MTBP: variants seen among roughly 807,000 people sequenced by gnomAD.
MTBP encodes the protein mdm2-binding protein.
In MTBP, 101 loss-of-function variants were observed where a neutral mutation model predicts 117.0. The observed-to-expected ratio is 0.86, with a 90% CI of 0.73 to 1.02. MTBP has a LOEUF of 1.02. MTBP is among the 50% of genes least tolerant of loss of function. The pLI is 0.00. For synonymous variants in MTBP, 350 were observed against 351.5 expected, an observed-to-expected ratio of 1.00 and a Z score of 0.05; for missense variants, 970 against 1,030.9, an observed-to-expected ratio of 0.94 and a Z score of 0.81.
intron 17 of MTBP, among the ~76,000 whole-genome samples, chr8:120,513,408 C>T (rs1814853691): frequency 6.6e-6 from 1 of 152,004 alleles, no homozygotes; most frequent in Non-Finnish European, 1.5e-5. Flanking sequence ...TGTGGTCATT[C>T]ATCCAACAAT....
At position 120,488,259 on chromosome 8, in the gene MTBP, C is replaced by T; in HGVS notation, c.1266C>T (p.Asn422=). Reference sequence around the variant, plus strand: ...AAGCCACATTGATTCACTCAGCCAACCAGATCAATGGCTCATTTGCACTCA... The same window carrying T: ...AAGCCACATTGATTCACTCAGCCAATCAGATCAATGGCTCATTTGCACTCA... ...RCKATLIHSA[N]QINGSFALNL... is the part of the protein sequence containing the mutation. The change falls in exon 12 of 22, where the codon AAC becomes AAT. Residue 422 remains asparagine (N), a synonymous_variant. Coordinates refer to ENST00000305949, the MANE Select transcript of MTBP (RefSeq NM_022045.5). 2 of 1,588,304 alleles carry T rather than the reference C, an allele frequency of 1.3e-6. No homozygotes were observed. Among genetic ancestry groups the T allele is most frequent in the Non-Finnish European group, 1.7e-6 (2 of 1,170,666 alleles).
At chr8:120,492,479 A>G (rs1313966164) in intron 13 of MTBP, among the ~76,000 whole-genome samples, 1 of 152,222 alleles carries the variant, frequency 6.6e-6, no homozygotes, top group East Asian at 1.9e-4. Flanking sequence ...AAAAGTAAAG[A>G]ATATAATGGG....
intron 12 of MTBP, among the ~76,000 whole-genome samples, chr8:120,489,344 A>G (rs1305858139): frequency 6.6e-6 from 1 of 152,084 alleles, no homozygotes; most frequent in African/African-American, 2.4e-5. Flanking sequence ...GCCTAGGCTG[A>G]CTTCTTATAT....
At chr8:120,451,723 G>A (rs1353233409) in intron 4 of MTBP, 1 of 161,878 alleles carries the variant, frequency 6.2e-6, no homozygotes, top group East Asian at 1.8e-4. Flanking sequence ...GGAACTACAG[G>A]TGTGCACCAC....
chr8:120,506,770 A>C lies in MTBP; in HGVS notation c.1792A>C (p.Ile598Leu). 1 of 1,613,652 alleles carries C rather than the reference A, an allele frequency of 6.2e-7. No homozygotes were observed. Among genetic ancestry groups the C allele is most frequent in the South Asian group, 1.1e-5 (1 of 91,030 alleles). ...LGHKEGPRDS[I>L]TLLDAKELLK... ...CCACAAAGAGGGTCCTCGGGACTCA[A>C]TCACATTGTTGGATGCTAAAGAATT... Residue 598 changes from isoleucine (I) to leucine (L), a missense_variant, in exon 16 of 22, where the codon ATC (isoleucine) becomes CTC (leucine). By Grantham distance (5) the Ile-to-Leu change is conservative. Coordinates refer to ENST00000305949, the MANE Select transcript of MTBP (RefSeq NM_022045.5).
At chr8:120,446,601 A>T in intron 2 of MTBP, 88 bp downstream of exon 2, 1 of 831,896 alleles carries the variant, frequency 1.2e-6, no homozygotes, top group Non-Finnish European at 2.1e-6. Flanking sequence ...AGTACAAGGA[A>T]ATACTTCTTG....
intron 2 of MTBP, among the ~76,000 whole-genome samples, chr8:120,447,051 A>G (rs1466349279): frequency 1.3e-5 from 2 of 152,174 alleles, no homozygotes; most frequent in Non-Finnish European, 2.9e-5. Flanking sequence ...TTCTACTGGC[A>G]TTATACAAAT....
chr8:120,469,682 A>G (rs1813777592), intron 10 of MTBP, among the ~76,000 whole-genome samples: 2 of 152,212 alleles, frequency 1.3e-5, no homozygotes, highest in Non-Finnish European at 2.9e-5. Context: ...CATCATTTCC[A>G]TAGTCTAAAA....
rs1209392393 is a variant in MTBP, at chr8:120,453,850, C to T, written c.429C>T (p.Leu143=). The T allele has an allele frequency of 6.4e-7, 1 of 1,566,696 alleles. No homozygotes were observed. Among genetic ancestry groups the T allele is most frequent in the Non-Finnish European group, 8.7e-7 (1 of 1,147,830 alleles). The stretch of plus-strand genomic sequence containing the variant: ...CTAACTTACCCTTTTATTTTAGTCT[C>T]TATGAAGAAGCTGCAGAAAATTTGC... ...NSRESLSLAD[L]YEEAAENLHQ... Residue 143 remains leucine, a synonymous_variant, in exon 5 of 22, where the codon CTC becomes CTT. Transcript: ENST00000305949.
At position 120,483,421 on chromosome 8, in the gene MTBP, G is replaced by A. The variant is rs185929801; in HGVS notation, c.1166-4738G>A. On this transcript the variant is annotated intron_variant, in intron 11 of 21. Transcript: ENST00000305949. ...CATATATAATAACTATCAGTAAGTC[G>A]GAATATTCACTTACCCAGAATATCC... is the stretch of plus-strand genomic sequence containing the variant. Among the ~76,000 whole-genome samples, 13 of 151,852 alleles carry A rather than the reference G, an allele frequency of 8.6e-5. No homozygotes were observed. The East Asian group carries it at 1.5e-3, about 18-fold the overall frequency.
intron 11 of MTBP, among the ~76,000 whole-genome samples, chr8:120,486,855 C>A (rs184508066): frequency 3.3e-4 from 51 of 152,332 alleles, no homozygotes; most frequent in African/African-American, 1.1e-3. Flanking sequence ...CAACGTGCTT[C>A]TTCCCAATCC....
In MTBP at chr8:120,506,692, C is replaced by T. The variant is rs543313486; in HGVS notation, c.1728-14C>T. ...ATCCACTTTTAATAAATCTGCATAACATTATTTTCCCAGAACTGGTTCATT... is the reference window on the plus strand; with the variant it reads ...ATCCACTTTTAATAAATCTGCATAATATTATTTTCCCAGAACTGGTTCATT... On this transcript the variant is annotated splice_polypyrimidine_tract_variant and intron_variant, in intron 15 of 21. Transcript: ENST00000305949. 1.8e-5 allele frequency: 28 copies of T among 1,555,528 alleles called. 1 individual carries two copies. In the South Asian group the frequency reaches 3.2e-4, roughly 18 times the overall value.
In MTBP at chr8:120,490,547, T is replaced by G. The variant is rs1484414579; in HGVS notation, c.1424T>G (p.Val475Gly). The G allele has an allele frequency of 6.2e-7, 1 of 1,603,878 alleles. No individual in the cohort carries two copies. The highest frequency in any genetic ancestry group is 8.5e-7 in the Non-Finnish European group (1 of 1,176,112). Residue 475 changes from valine to glycine, a missense_variant, in exon 13 of 22, where the codon GTT becomes GGT. Physicochemically the swap from Val to Gly is moderately radical, Grantham distance 109. Coordinates refer to ENST00000305949, the MANE Select transcript of MTBP (RefSeq NM_022045.5). ...GAGAAACAGTTAGCTAATGTTCAAG[T>G]TTTAGCTTTGGAAGAATGCCTAAGT... ...QREKQLANVQ[V>G]LALEECLKRR...
At chr8:120,508,148 A>G (rs1814728359) in intron 16 of MTBP, among the ~76,000 whole-genome samples, 1 of 152,180 alleles carries the variant, frequency 6.6e-6, no homozygotes, top group Non-Finnish European at 1.5e-5. Context: ...TTGAAGGATG[A>G]GTTTTCATGG....
At chr8:120,481,338 T>G (rs1214388164) in intron 11 of MTBP, among the ~76,000 whole-genome samples, 1 of 152,116 alleles carries the variant, frequency 6.6e-6, no homozygotes, top group Non-Finnish European at 1.5e-5. Context: ...CCAGGAGAAA[T>G]GAGAACGTAT....
intron 17 of MTBP, among the ~76,000 whole-genome samples, chr8:120,515,180 G>T (rs1814895351): frequency 1.3e-5 from 2 of 152,124 alleles, no homozygotes; most frequent in Middle Eastern, 6.8e-3. Flanking sequence ...CATCACATAT[G>T]TGAAGCCATT....
chr8:120,452,935 G>A (rs1813389765), intron 4 of MTBP: 1 of 151,828 alleles, frequency 6.6e-6, no homozygotes, highest in Non-Finnish European at 1.5e-5. Flanking sequence ...TACATAAGAT[G>A]CCTTAAGTTT....
chr8:120,449,139 A>G (rs1813284853), intron 2 of MTBP, among the ~76,000 whole-genome samples: 1 of 152,148 alleles, frequency 6.6e-6, no homozygotes, highest in African/African-American at 2.4e-5. Context: ...AGAGGCAGCC[A>G]GGGTGGAGGA....
chr8:120,502,869 C>T (rs1047057500), intron 15 of MTBP, among the ~76,000 whole-genome samples: 15 of 152,112 alleles, frequency 9.9e-5, no homozygotes, highest in African/African-American at 2.9e-4. Context: ...CCTTTCAGAC[C>T]ATCTTCCATA....
Sources: allele counts gnomAD v4.1 joint callset (sites outside exome capture counted in the v4.1 genomes callset), GRCh38; gene constraint gnomAD v4.1.1; transcripts MANE v1.5; gene names NCBI Gene and HGNC (gene_info 2026-07-23, HGNC 2026-07-21).